The following RHBDD1 variants were observed in gnomAD, a reference collection of about 807,000 sequenced individuals.
The protein encoded by RHBDD1 is rhomboid domain containing 1.
In RHBDD1, 38 loss-of-function variants were observed where a neutral mutation model predicts 36.3. The ratio of observed to expected loss-of-function variants is 1.05; its 90% CI spans 0.81 to 1.37. RHBDD1 has a LOEUF of 1.37. Ranked by LOEUF, RHBDD1 falls within the 40% of genes most tolerant of loss-of-function variation. The pLI is 0.00. For missense variants in RHBDD1, 393 were observed against 377.6 expected (o/e 1.04, Z -0.34); for synonymous variants, 151 against 136.5 (o/e 1.11, Z -0.74).
intron 8 of RHBDD1, among the ~76,000 whole-genome samples, chr2:226,960,478 T>TAC (rs1199183481): frequency 6.6e-6 from 1 of 152,230 alleles, no homozygotes; most frequent in East Asian, 1.9e-4. Flanking sequence ...GATTTTCTGT[T>TAC]ACTTTATATT....
At chr2:226,836,861 T>C (rs952262968) in intron 1 of RHBDD1, among the ~76,000 whole-genome samples, 17 of 152,328 alleles carry the variant, frequency 1.1e-4, no homozygotes, top group African/African-American at 4.1e-4. Context: ...CTTTAAAGGC[T>C]TCTGGTTTGC....
At chr2:226,852,082 G>A (rs1302155648) in intron 3 of RHBDD1, among the ~76,000 whole-genome samples, 2 of 152,146 alleles carry the variant, frequency 1.3e-5, no homozygotes, top group South Asian at 2.1e-4. Context: ...TCGCCTTTCT[G>A]TAAACACTCT....
chr2:226,893,592 A>G (rs946074879), intron 5 of RHBDD1, among the ~76,000 whole-genome samples: 1 of 152,212 alleles, frequency 6.6e-6, no homozygotes, highest in Non-Finnish European at 1.5e-5. Flanking sequence ...TTGAAAAGAA[A>G]TAGTTTCGAA....
At chr2:226,940,285 A>G (rs1332195325) in intron 8 of RHBDD1, among the ~76,000 whole-genome samples, 2 of 152,238 alleles carry the variant, frequency 1.3e-5, no homozygotes, top group East Asian at 1.9e-4. Context: ...CAGTTGCAAC[A>G]AAAGTGACGC....
intron 8 of RHBDD1, chr2:226,942,476 T>C: frequency 3.3e-6 from 1 of 302,214 alleles, no homozygotes; most frequent in Non-Finnish European, 6.5e-6. Context: ...CCTGACCTCA[T>C]GATCCACCCG....
chr2:226,812,199 C>T, the RHBDD1 span, among the ~76,000 whole-genome samples: 1 of 152,202 alleles, frequency 6.6e-6, no homozygotes, highest in Non-Finnish European at 1.5e-5. Context: ...GAGACAGGAA[C>T]ATAGCTTGGG....
intron 3 of RHBDD1, among the ~76,000 whole-genome samples, chr2:226,844,920 G>A (rs1047713850): frequency 3.9e-5 from 6 of 152,070 alleles, no homozygotes; most frequent in African/African-American, 1.4e-4. Flanking sequence ...TCATTTTTTA[G>A]CCATTATTTT....
In RHBDD1 at chr2:226,978,282, A is replaced by T. The variant is rs138598936; in HGVS notation, c.857-17149A>T. On this transcript the variant is annotated intron_variant, in intron 8 of 8. Coordinates refer to ENST00000392062, the MANE Select transcript of RHBDD1 (RefSeq NM_001167608.3). ...TGTACTCTTTTTTCTCCATGTACCA[A>T]TTACAACCCTTCCTATAGCCTGCTA... Among the ~76,000 whole-genome samples the T allele has an allele frequency of 3.4e-3, 520 of 152,274 alleles. 4 individuals carry two copies. Among genetic ancestry groups the T allele is most frequent in the African/African-American group, 0.012 (507 of 41,530 alleles).
chr2:226,811,714 A>G, the RHBDD1 span, among the ~76,000 whole-genome samples: 5 of 152,336 alleles, frequency 3.3e-5, no homozygotes, highest in Middle Eastern at 3.4e-3. Context: ...TGGACATTCG[A>G]CCAGTGCTTT....
At position 226,914,126 on chromosome 2, in the gene RHBDD1, G is replaced by A. The variant is rs3731592; in HGVS notation, c.713-82G>A. On this transcript the variant is annotated intron_variant, in intron 7 of 8. Transcript: ENST00000392062. The stretch of plus-strand genomic sequence containing the variant: ...CCTAAAATAATGTTATGCCTTACTC[G>A]CTTGTCTTTGCTTATACAAAACAGG... The A allele has an allele frequency of 3.9e-3, 4,781 of 1,236,312 alleles. 118 individuals carry two copies. In the African/African-American group the frequency reaches 0.059, roughly 15 times the overall value. 76.6% of individuals were successfully genotyped at this position (1,236,312 alleles called of 1,614,324 possible).
intron 8 of RHBDD1, among the ~76,000 whole-genome samples, chr2:226,992,269 G>A (rs1048830162): frequency 6.6e-6 from 1 of 152,168 alleles, no homozygotes; most frequent in Non-Finnish European, 1.5e-5. Flanking sequence ...CACAGTAGTC[G>A]GTGTAGGTTA....
chr2:226,887,916 A>G (rs1441735144), intron 5 of RHBDD1, among the ~76,000 whole-genome samples: 1 of 152,238 alleles, frequency 6.6e-6, no homozygotes, highest in Non-Finnish European at 1.5e-5. Context: ...GTATTTTTCC[A>G]TTAAAGAATA....
intron 7 of RHBDD1, among the ~76,000 whole-genome samples, chr2:226,912,204 G>C (rs1185749488): frequency 2.6e-5 from 4 of 152,230 alleles, no homozygotes; most frequent in Admixed American, 6.5e-5. Flanking sequence ...GCAAATAATA[G>C]CAAGTGTTAG....
chr2:226,908,984 C>T, intron 7 of RHBDD1, 106 bp downstream of exon 7: 2 of 734,206 alleles, frequency 2.7e-6, no homozygotes, highest in Non-Finnish European at 4.7e-6. Context: ...GTGGTAGGGT[C>T]ATTCACATGT....
chr2:226,995,764 G>T lies in RHBDD1; in HGVS notation c.*242G>T. ...AAACAGGTCACTTCCTCCATGAAGA[G>T]ACCAGTTTCCACGCTCCCATCTCTC... On this transcript the variant is annotated 3_prime_UTR_variant, in exon 9 of 9. Coordinates refer to ENST00000392062, the MANE Select transcript of RHBDD1 (RefSeq NM_001167608.3). The T allele has an allele frequency of 2.0e-6, 1 of 507,952 alleles. No individual in the cohort carries two copies. Among genetic ancestry groups the T allele is most frequent in the East Asian group, 3.3e-5 (1 of 30,264 alleles). The allele number at this position is 507,952 out of a possible 1,614,324, so 31.5% of individuals were successfully genotyped here. A position where few individuals can be genotyped will look rare whatever the true frequency, so the allele number is the denominator to read the frequency against.
chr2:226,883,888 A>G (rs1049460193), intron 5 of RHBDD1, among the ~76,000 whole-genome samples: 3 of 152,214 alleles, frequency 2.0e-5, no homozygotes, highest in Non-Finnish European at 4.4e-5. Flanking sequence ...TTAGAAGTTA[A>G]TTACAAATGT....
rs546808783 is a variant in RHBDD1, at chr2:226,866,314, C to A, written c.434-872C>A. 2.0e-5 allele frequency among the ~76,000 whole-genome samples: 3 copies of A among 152,284 alleles called. No homozygotes were observed. In the South Asian group the frequency reaches 6.2e-4, roughly 32 times the overall value. On this transcript the variant is annotated intron_variant, in intron 4 of 8. Transcript: ENST00000392062. The stretch of plus-strand genomic sequence containing the variant: ...CTCTATCTCTTGACCTTGTGATTCA[C>A]CCACCTTGGCCTCCCAAAGTGCTGG...
At chr2:226,870,258 G>T (rs1251058743) in intron 5 of RHBDD1, among the ~76,000 whole-genome samples, 1 of 152,182 alleles carries the variant, frequency 6.6e-6, no homozygotes, top group Non-Finnish European at 1.5e-5. Context: ...GTTTTAAGGT[G>T]TCATATGCGA....
intron 8 of RHBDD1, chr2:226,988,315 C>A (rs978511050): frequency 6.5e-7 from 1 of 1,547,176 alleles, no homozygotes. Context: ...CACTGTGCCC[C>A]ACCTGAACAT....
Sources: allele counts gnomAD v4.1 joint callset (sites outside exome capture counted in the v4.1 genomes callset), GRCh38; gene constraint gnomAD v4.1.1; transcripts MANE v1.5; gene names NCBI Gene and HGNC (gene_info 2026-07-23, HGNC 2026-07-21).